Variants in IPO11 observed in about 807,000 individuals in gnomAD.
IPO11 encodes the protein importin 11.
Under a neutral mutation model 143.2 loss-of-function variants are expected in IPO11, and 66 were observed. That is an observed-to-expected ratio of 0.46 (90% confidence interval 0.38 to 0.57). The LOEUF (loss-of-function observed/expected upper bound fraction) is 0.57, where lower values mean the gene tolerates loss of function less well. Among genes scored for constraint, IPO11 ranks in the 20% least tolerant of loss-of-function variants. The pLI, the probability that IPO11 is intolerant of heterozygous loss-of-function variation, is 0.00. For missense variants in IPO11, 1,026 were observed against 1,141.0 expected (o/e 0.90, Z 1.45); for synonymous variants, 385 against 377.8 (o/e 1.02, Z -0.22).
intron 8 of IPO11, 51 bp downstream of exon 8, chr5:62,474,515 T>C (rs1745888690): frequency 1.6e-6 from 2 of 1,274,598 alleles, no homozygotes; most frequent in Admixed American, 2.2e-5. Context: ...TATTCATTAG[T>C]AGCTTATTCA....
At chr5:62,435,102 A>ATATATATGTG (rs1744137025) in intron 1 of IPO11, among the ~76,000 whole-genome samples, 3 of 67,172 alleles carry the variant, frequency 4.5e-5, no homozygotes, top group African/African-American at 1.7e-4. Flanking sequence ...GTATATATGT[A>ATATATATGTG]TATATATGTA....
intron 8 of IPO11, 113 bp from the exon 9 acceptor site, chr5:62,476,570 C>T: frequency 8.7e-7 from 1 of 1,150,266 alleles, no homozygotes. Context: ...ATAATGAATT[C>T]ATAATGCAAA....
At chr5:62,513,839 G>A (rs1386704494) in intron 19 of IPO11, among the ~76,000 whole-genome samples, 2 of 149,324 alleles carry the variant, frequency 1.3e-5, no homozygotes, top group Non-Finnish European at 3.0e-5. Context: ...CTCAGACGGG[G>A]CGGTTGCCAG....
chr5:62,556,639 C>T (rs1743584713), intron 26 of IPO11, among the ~76,000 whole-genome samples: 1 of 152,080 alleles, frequency 6.6e-6, no homozygotes, highest in Non-Finnish European at 1.5e-5. Flanking sequence ...CACTGCACTC[C>T]AGACTGGGCA....
At chr5:62,548,817 C>A (rs1362708554) in intron 24 of IPO11, among the ~76,000 whole-genome samples, 3 of 152,088 alleles carry the variant, frequency 2.0e-5, no homozygotes, top group African/African-American at 7.2e-5. Flanking sequence ...GAGTCAGTTT[C>A]CTCTTGAATT....
chr5:62,480,548 G>A (rs187206158), intron 9 of IPO11, among the ~76,000 whole-genome samples: 59 of 152,194 alleles, frequency 3.9e-4, no homozygotes, highest in Non-Finnish European at 7.2e-4. Context: ...CCATTTTCAC[G>A]ATATTGATTC....
intron 5 of IPO11, among the ~76,000 whole-genome samples, chr5:62,456,949 G>T (rs548100254): frequency 6.6e-6 from 1 of 151,894 alleles, no homozygotes; most frequent in Non-Finnish European, 1.5e-5. Context: ...AAAATTAGCC[G>T]GGTGCCTGTA....
chr5:62,471,962 A>T (rs549105987), intron 7 of IPO11, among the ~76,000 whole-genome samples: 14 of 152,230 alleles, frequency 9.2e-5, no homozygotes, highest in Non-Finnish European at 1.6e-4. Context: ...GTATTGATAC[A>T]TATTACCAAA....
chr5:62,543,758 G>T (rs1452690216), intron 24 of IPO11, among the ~76,000 whole-genome samples: 1 of 152,050 alleles, frequency 6.6e-6, no homozygotes. Context: ...TGCTTCTCTA[G>T]TTCTTTTAAT....
intron 20 of IPO11, among the ~76,000 whole-genome samples, chr5:62,523,461 G>C (rs1742267097): frequency 6.6e-6 from 1 of 152,144 alleles, no homozygotes; most frequent in Non-Finnish European, 1.5e-5. Flanking sequence ...AAAGTAGTCA[G>C]TGCACCACTG....
At chr5:62,536,460 G>C (rs1452642285) in intron 22 of IPO11, among the ~76,000 whole-genome samples, 1 of 151,566 alleles carries the variant, frequency 6.6e-6, no homozygotes, top group Non-Finnish European at 1.5e-5. Flanking sequence ...CATTCATTGA[G>C]ACAGGGTCTC....
intron 18 of IPO11, among the ~76,000 whole-genome samples, chr5:62,505,418 G>C (rs1175890656): frequency 1.3e-5 from 2 of 152,040 alleles, no homozygotes; most frequent in South Asian, 2.1e-4. Flanking sequence ...TAACATTGGG[G>C]TGTTAATATT....
At chr5:62,555,379 A>G (rs1021342521) in intron 26 of IPO11, among the ~76,000 whole-genome samples, 4 of 151,990 alleles carry the variant, frequency 2.6e-5, no homozygotes, top group South Asian at 2.1e-4. Context: ...CAGTGGCACA[A>G]TCATAGCTCA....
At chr5:62,622,347 A>G (rs1746409312) in intron 29 of IPO11, among the ~76,000 whole-genome samples, 1 of 152,206 alleles carries the variant, frequency 6.6e-6, no homozygotes, top group African/African-American at 2.4e-5. Context: ...TGCCAAGTGA[A>G]GAACTATTGT....
At chr5:62,529,357 A>C (rs916185764) in intron 21 of IPO11, among the ~76,000 whole-genome samples, 3 of 152,184 alleles carry the variant, frequency 2.0e-5, no homozygotes, top group African/African-American at 7.2e-5. Flanking sequence ...TCAAAAGATC[A>C]TATCTTTCTC....
intron 1 of IPO11, among the ~76,000 whole-genome samples, chr5:62,414,937 G>C (rs1373683789): frequency 6.6e-6 from 1 of 152,122 alleles, no homozygotes; most frequent in South Asian, 2.1e-4. Context: ...CCTTGCATAA[G>C]GTCACACATA....
rs1290506525 is a variant in IPO11 at position 62,502,813 on chromosome 5, CTTTTTCCTTT to C, written c.1591-1850_1591-1841del. On this transcript the variant is annotated intron_variant, in intron 16 of 29. Coordinates refer to ENST00000325324, the MANE Select transcript of IPO11 (RefSeq NM_016338.5). ...TTTTCTTTTCTTTTCCTTTCCTTTC[CTTTTTCCTTT>C]TTTCCTTTTTCCTTTTTCCGAGTTG... Among the ~76,000 whole-genome samples the C allele has an allele frequency of 7.9e-5, 12 of 151,712 alleles. No homozygotes were observed. In the South Asian group the frequency reaches 1.0e-3, roughly 13 times the overall value.
intron 20 of IPO11, among the ~76,000 whole-genome samples, chr5:62,520,050 A>C (rs1354112725): frequency 1.3e-5 from 2 of 152,198 alleles, no homozygotes; most frequent in African/African-American, 2.4e-5. Context: ...ACCTCCCCTT[A>C]TGCCACTAGC....
At position 62,622,166 on chromosome 5, in the gene IPO11, C is replaced by T. The variant is rs780252402; in HGVS notation, c.2764-4988C>T. Among the ~76,000 whole-genome samples, 62 of 152,016 alleles carry T rather than the reference C, an allele frequency of 4.1e-4. 1 individual carries two copies. The highest frequency in any genetic ancestry group is 3.3e-3 in the Admixed American group (51 of 15,250). ...TTTCTTGAGAGGTTAGGCCTCAAAA[C>T]GCTTGGCCCACGTTTTTCTGTAGCA... On this transcript the variant is annotated intron_variant, in intron 29 of 29. Coordinates refer to ENST00000325324, the MANE Select transcript of IPO11 (RefSeq NM_016338.5).
Sources: allele counts gnomAD v4.1 joint callset (sites outside exome capture counted in the v4.1 genomes callset), GRCh38; gene constraint gnomAD v4.1.1; transcripts MANE v1.5; gene names NCBI Gene and HGNC (gene_info 2026-07-23, HGNC 2026-07-21).